Variants in PMF1 observed in about 807,000 individuals in gnomAD.
PMF1 encodes polyamine modulated factor 1.
A neutral mutation model predicts 26.7 loss-of-function variants in PMF1; 21 were observed. That is an observed-to-expected ratio of 0.79 (90% CI 0.56 to 1.13). The LOEUF (loss-of-function observed/expected upper bound fraction) is 1.13, where lower values mean the gene tolerates loss of function less well. PMF1 is among the 50% of genes most tolerant of loss of function. The pLI, the probability that PMF1 is intolerant of heterozygous loss-of-function variation, is 0.00. For synonymous variants in PMF1, 105 were observed against 101.0 expected, an observed-to-expected ratio of 1.04 and a Z score of -0.24; for missense variants, 266 against 254.9, an observed-to-expected ratio of 1.04 and a Z score of -0.30.
chr1:156,217,013 C>T (rs1282299801), intron 1 of PMF1, among the ~76,000 whole-genome samples: 3 of 151,300 alleles, frequency 2.0e-5, no homozygotes, highest in African/African-American at 7.3e-5. Flanking sequence ...TATTCTAACT[C>T]ATAGGTGGGA....
Position 156,228,256 on chromosome 1 carries a change from A to ATTTTTTT in PMF1, c.162-4038_162-4032dup, listed in dbSNP as rs772709878. ...CAGGCGTGAGCCACCGCACCTGGCGATTTTTTTTTTTTTTTTTTTTTTTTT... is the reference window on the plus strand; with the variant it reads ...CAGGCGTGAGCCACCGCACCTGGCGATTTTTTTTTTTTTTTTTTTTTTTTTTTTTTTT... On this transcript the variant is annotated intron_variant, in intron 1 of 4. Transcript: ENST00000368277. Among the ~76,000 whole-genome samples the ATTTTTTT allele has an allele frequency of 4.8e-3, 160 of 33,562 alleles. 37 individuals carry two copies. Among genetic ancestry groups the ATTTTTTT allele is most frequent in the Admixed American group, 0.014 (31 of 2,204 alleles). The allele number at this position is 33,562 out of a possible 152,430, so 22.0% of individuals were successfully genotyped here.
intron 1 of PMF1, among the ~76,000 whole-genome samples, chr1:156,221,254 C>T (rs1558190587): frequency 2.0e-5 from 3 of 152,202 alleles, no homozygotes; most frequent in Non-Finnish European, 4.4e-5. Flanking sequence ...TGCCCTGCTG[C>T]ACTCATACTC....
chr1:156,224,432 C>T (rs905311784), intron 1 of PMF1, among the ~76,000 whole-genome samples: 7 of 152,212 alleles, frequency 4.6e-5, no homozygotes, highest in Non-Finnish European at 8.8e-5. Flanking sequence ...TTTAATACAA[C>T]GATTCATCTT....
intron 1 of PMF1, among the ~76,000 whole-genome samples, chr1:156,225,303 T>A (rs1658300668): frequency 1.3e-5 from 2 of 149,422 alleles, no homozygotes; most frequent in African/African-American, 5.0e-5. Flanking sequence ...TTTTTTTTTT[T>A]TTTTTAATTT....
Position 156,232,304 on chromosome 1 carries a change from C to T in PMF1, c.162-16C>T. 6 of 1,613,510 alleles carry T rather than the reference C, an allele frequency of 3.7e-6. No homozygotes were observed. The Middle Eastern group carries it at 9.9e-4, about 267-fold the overall frequency. On this transcript the variant is annotated splice_polypyrimidine_tract_variant and intron_variant, in intron 1 of 4. Transcript: ENST00000368277. ...TGCTTGGCCCTCCCCACCTTTGCTT[C>T]TCTCCTTCCCGCCAGCTACCAGAGA...
At chr1:156,234,782 T>G (rs1658910916) in intron 3 of PMF1, among the ~76,000 whole-genome samples, 1 of 152,058 alleles carries the variant, frequency 6.6e-6, no homozygotes, top group South Asian at 2.1e-4. Flanking sequence ...GTGCTGGGAT[T>G]AAAGGTGTGA....
intron 1 of PMF1, among the ~76,000 whole-genome samples, chr1:156,228,256 ATTTT>A (rs772709878): frequency 6.0e-5 from 2 of 33,544 alleles, no homozygotes; most frequent in South Asian, 1.3e-3. Flanking sequence ...GCACCTGGCG[ATTTT>A]TTTTTTTTTT....
chr1:156,218,865 A>AT (rs1158709598), intron 1 of PMF1, among the ~76,000 whole-genome samples: 1 of 150,266 alleles, frequency 6.7e-6, no homozygotes, highest in South Asian at 2.1e-4. Flanking sequence ...ACTTCCATTC[A>AT]TTTTTTTTCA....
chr1:156,216,413 A>C (rs997153424), intron 1 of PMF1, among the ~76,000 whole-genome samples: 2 of 151,880 alleles, frequency 1.3e-5, no homozygotes, highest in African/African-American at 4.8e-5. Flanking sequence ...AAAATAAAAT[A>C]AAATCAGTGT....
chr1:156,213,369 CG>C (rs1431398408), intron 1 of PMF1, among the ~76,000 whole-genome samples, 193 bp downstream of exon 1: 15 of 152,316 alleles, frequency 9.8e-5, no homozygotes, highest in African/African-American at 3.6e-4. Context: ...TGTAGCGGAC[CG>C]GGATAGCTAG....
At chr1:156,221,598 C>T (rs1658085583) in intron 1 of PMF1, among the ~76,000 whole-genome samples, 1 of 152,162 alleles carries the variant, frequency 6.6e-6, no homozygotes, top group Admixed American at 6.6e-5. Context: ...ATACAGGAGG[C>T]ATTCAGTACA....
rs1221033499 is a variant in PMF1 at position 156,225,697 on chromosome 1, T to G, written c.162-6623T>G. On this transcript the variant is annotated intron_variant, in intron 1 of 4. Coordinates refer to ENST00000368277, the MANE Select transcript of PMF1 (RefSeq NM_007221.4). ...AGTCCTGGCTCCTTTTTTGGCTCCC[T>G]TAGCACTGTGTACACCGTGATATTG... 3 of 1,204,554 alleles carry G rather than the reference T, an allele frequency of 2.5e-6. No homozygotes were observed. In the South Asian group the frequency reaches 3.9e-5, roughly 16 times the overall value. The allele number at this position is 1,204,554 out of a possible 1,614,324, so 74.6% of individuals were successfully genotyped here.
rs1264057676 is a variant in PMF1 at position 156,236,296 on chromosome 1, G to C, written c.377G>C (p.Ser126Thr). ...CCCGTGTGGCCCTCCAGGCGCCCCA[G>C]CGGGATCCCAGAGAAGGATCTGCAC... The part of the protein sequence containing the change: ...KVRKEPAWRP[S>T]GIPEKDLHSV... Residue 126 changes from serine to threonine, a missense_variant, in exon 4 of 5, where the codon AGC becomes ACC. Transcript: ENST00000368277. 6.2e-7 allele frequency: 1 copy of C among 1,608,292 alleles called. No individual in the cohort carries two copies. The highest frequency in any genetic ancestry group is 8.5e-7 in the Non-Finnish European group (1 of 1,175,156).
intron 1 of PMF1, among the ~76,000 whole-genome samples, chr1:156,231,408 A>G (rs1658699998): frequency 6.6e-6 from 1 of 151,694 alleles, no homozygotes; most frequent in South Asian, 2.1e-4. Context: ...TCTCAAAAAG[A>G]AAAGTAGAAA....
chr1:156,239,900 G>T lies in PMF1; in HGVS notation c.*299G>T. On this transcript the variant is annotated 3_prime_UTR_variant, in exon 5 of 5. Coordinates refer to ENST00000368277, the MANE Select transcript of PMF1 (RefSeq NM_007221.4). ...AGCTCTGCCCCTCCGCCCCCCTCCT[G>T]CTGGTTCCCCAGCCCTTTTCCCTGG... 1 of 376,986 alleles carries T rather than the reference G, an allele frequency of 2.7e-6. No individual in the cohort carries two copies. The highest frequency in any genetic ancestry group is 5.1e-5 in the South Asian group (1 of 19,626). 23.4% of individuals were successfully genotyped at this position (376,986 alleles called of 1,614,324 possible). A position where few individuals can be genotyped will look rare whatever the true frequency, so the allele number is the denominator to read the frequency against.
At chr1:156,213,236 G>A (rs757313523) in intron 1 of PMF1, 60 bp downstream of exon 1, 180 of 1,588,680 alleles carry the variant, frequency 1.1e-4, no homozygotes, top group Admixed American at 8.8e-4. Flanking sequence ...AATCCCGCGA[G>A]GTCAGGACGG....
intron 1 of PMF1, among the ~76,000 whole-genome samples, chr1:156,219,587 C>CTTTA (rs925674336): frequency 5.3e-5 from 8 of 151,932 alleles, no homozygotes; most frequent in Admixed American, 3.3e-4. Context: ...CATCTTTTCT[C>CTTTA]TTTATTTATT....
chr1:156,239,472 G>A, intron 4 of PMF1, 76 bp from the exon 5 acceptor site: 2 of 1,184,870 alleles, frequency 1.7e-6, no homozygotes, highest in Middle Eastern at 2.3e-4. Context: ...CCCAGGCCTG[G>A]AGTCAGGGAC....
intron 1 of PMF1, among the ~76,000 whole-genome samples, chr1:156,218,765 G>A (rs143989635): frequency 0.01 from 1,531 of 152,050 alleles, 27 homozygotes; most frequent in African/African-American, 0.036. Context: ...CTGGGTGACA[G>A]AGCGAGACTC....
Sources: gnomAD v4.1 joint callset for allele counts (sites outside exome capture counted in the v4.1 genomes callset) on GRCh38, gnomAD v4.1.1 for gene constraint, MANE v1.5 for transcripts, NCBI Gene and HGNC (gene_info 2026-07-23, HGNC 2026-07-21) for gene names.